CCDC73: variants seen among roughly 807,000 people sequenced by gnomAD.
CCDC73 encodes the protein coiled-coil domain containing 73.
In CCDC73, 95 loss-of-function variants were observed where a neutral mutation model predicts 116.5. The ratio of observed to expected loss-of-function variants is 0.82; its 90% confidence interval spans 0.69 to 0.97. CCDC73 has a LOEUF of 0.97. Among genes scored for constraint, CCDC73 ranks in the 50% least tolerant of loss-of-function variants. The pLI, the probability that CCDC73 is intolerant of heterozygous loss-of-function variation, is 0.00. For synonymous variants in CCDC73, 398 were observed against 401.3 expected, an observed-to-expected ratio of 0.99 and a Z score of 0.10; for missense variants, 1,066 against 1,206.8, an observed-to-expected ratio of 0.88 and a Z score of 1.73.
intron 2 of CCDC73, among the ~76,000 whole-genome samples, chr11:32,740,696 T>C (rs776943877): frequency 3.3e-5 from 5 of 150,646 alleles, no homozygotes; most frequent in Admixed American, 6.6e-5. Context: ...ATCTTTATCA[T>C]TTCTTTTCTT....
intron 14 of CCDC73, among the ~76,000 whole-genome samples, chr11:32,620,610 CAAAAAAAAAAAAAA>C (rs57643752): frequency 1.6e-5 from 1 of 61,340 alleles, no homozygotes. Context: ...GACTCAGTCT[CAAAAAAAAAAAAAA>C]AAAAAAAAAG....
intron 9 of CCDC73, among the ~76,000 whole-genome samples, chr11:32,668,775 G>A (rs926868563): frequency 2.6e-5 from 4 of 152,166 alleles, no homozygotes; most frequent in Non-Finnish European, 4.4e-5. Context: ...ACAGACAAGT[G>A]CAGTTTTATT....
intron 14 of CCDC73, among the ~76,000 whole-genome samples, chr11:32,632,300 A>G (rs1012392333): frequency 6.6e-6 from 1 of 152,132 alleles, no homozygotes; most frequent in Non-Finnish European, 1.5e-5. Context: ...ATCTTGCCTC[A>G]CTGCAACCTC....
the CCDC73 span, among the ~76,000 whole-genome samples, chr11:32,822,140 G>A: frequency 1.3e-5 from 2 of 152,194 alleles, no homozygotes; most frequent in Admixed American, 6.5e-5. Context: ...AAATGGGAAT[G>A]TATTTTAAGA....
At chr11:32,646,914 A>G (rs1363135514) in intron 12 of CCDC73, among the ~76,000 whole-genome samples, 1 of 151,752 alleles carries the variant, frequency 6.6e-6, no homozygotes, top group East Asian at 1.9e-4. Flanking sequence ...TGTACTTTTT[A>G]TGTCTGCTAA....
chr11:32,639,606 G>A (rs1156361108), intron 13 of CCDC73, among the ~76,000 whole-genome samples: 2 of 151,736 alleles, frequency 1.3e-5, no homozygotes, highest in Non-Finnish European at 1.5e-5. Context: ...CCACCACCAC[G>A]CCCGGCTAAT....
Position 32,787,887 on chromosome 11 carries a change from T to C in CCDC73, c.-16+6726A>G, listed in dbSNP as rs1267632237. Among the ~76,000 whole-genome samples, 3 of 152,204 alleles carry C rather than the reference T, an allele frequency of 2.0e-5. No individual in the cohort carries two copies. The East Asian group carries it at 5.8e-4, about 29-fold the overall frequency. On this transcript the variant is annotated intron_variant, in intron 1 of 17. Coordinates refer to ENST00000335185, the MANE Select transcript of CCDC73 (RefSeq NM_001008391.4). ...ACATCCTTAACTCCATCAGGACCTT[T>C]TATAATCTAATAAAATTATAACTAT... is the stretch of plus-strand genomic sequence containing the variant.
chr11:32,614,826 T>TA lies in CCDC73; in HGVS notation c.1491dup (p.Ser498Ter). The TA allele has an allele frequency of 6.2e-7, 1 of 1,613,232 alleles. No individual in the cohort carries two copies. Among genetic ancestry groups the TA allele is most frequent in the Non-Finnish European group, 8.5e-7 (1 of 1,179,480 alleles). On this transcript the variant is annotated frameshift_variant, in exon 16 of 18. Coordinates refer to ENST00000335185, the MANE Select transcript of CCDC73 (RefSeq NM_001008391.4). LOFTEE classifies it high-confidence loss of function. ...GTAACATTCGAGGTTTGTCCTTGAC[T>TA]AATTACTTCTTTATCTAAGGAGAGG...
At chr11:32,653,405 C>T (rs1414976416) in intron 11 of CCDC73, among the ~76,000 whole-genome samples, 178 bp from the exon 12 acceptor site, 3 of 151,948 alleles carry the variant, frequency 2.0e-5, no homozygotes, top group Non-Finnish European at 2.9e-5. Context: ...ACATTATTTC[C>T]AAGAGTCCCT....
chr11:32,700,962 T>C, intron 4 of CCDC73, 136 bp from the exon 5 acceptor site: 1 of 385,468 alleles, frequency 2.6e-6, no homozygotes, highest in South Asian at 8.7e-5. Flanking sequence ...TATTTTCAGA[T>C]TCAGAAAATA....
chr11:32,622,540 C>T (rs1855531465), intron 14 of CCDC73, among the ~76,000 whole-genome samples: 1 of 151,588 alleles, frequency 6.6e-6, no homozygotes, highest in Non-Finnish European at 1.5e-5. Context: ...GGGAGAGCAT[C>T]AGGACAAATA....
At chr11:32,682,778 T>C (rs1030728063) in intron 7 of CCDC73, 1 of 151,988 alleles carries the variant, frequency 6.6e-6, no homozygotes, top group African/African-American at 2.4e-5. Flanking sequence ...TAAAATGTTA[T>C]GCTGTAAAAA....
At chr11:32,776,469 A>C (rs924836712) in intron 1 of CCDC73, among the ~76,000 whole-genome samples, 1 of 151,886 alleles carries the variant, frequency 6.6e-6, no homozygotes, top group African/African-American at 2.4e-5. Flanking sequence ...CCCCCAAAAG[A>C]CTTCCTCTAT....
intron 1 of CCDC73, among the ~76,000 whole-genome samples, chr11:32,782,838 C>T (rs779467885): frequency 2.0e-5 from 3 of 151,298 alleles, no homozygotes; most frequent in Non-Finnish European, 2.9e-5. Context: ...AATGAAAAAT[C>T]CAATAAAAGG....
At chr11:32,780,048 C>CAGAT in intron 1 of CCDC73, among the ~76,000 whole-genome samples, 4 of 152,214 alleles carry the variant, frequency 2.6e-5, no homozygotes, top group Admixed American at 2.6e-4. Context: ...CCGAGGCAGG[C>CAGAT]AGATCACTTG....
intron 17 of CCDC73, among the ~76,000 whole-genome samples, chr11:32,610,032 G>A (rs959194529): frequency 8.7e-5 from 13 of 149,746 alleles, no homozygotes; most frequent in African/African-American, 3.0e-4. Flanking sequence ...CTCATGATCC[G>A]CCCACCTCAG....
At position 32,699,299 on chromosome 11, in the gene CCDC73, T is replaced by C. The variant is rs1253806308; in HGVS notation, c.342A>G (p.Ile114Met). 8.9e-6 allele frequency: 14 copies of C among 1,579,328 alleles called. No homozygotes were observed. Among genetic ancestry groups the C allele is most frequent in the African/African-American group, 1.3e-5 (1 of 74,174 alleles). Residue 114 changes from isoleucine (I) to methionine (M), a missense_variant, in exon 6 of 18, where the codon ATA becomes ATG. Ile to Met is a conservative substitution (Grantham distance 10, BLOSUM62 1). Transcript: ENST00000335185. The part of the protein sequence containing the change: ...EKGKYQLATE[I>M]KEKEIEGLKE... ...TCAATCCTTCTATTTCTTTTTCCTT[T>C]ATTTCTGTAGCAAGTTGATATTTTC...
chr11:32,622,200 A>G (rs1855527975), intron 14 of CCDC73, among the ~76,000 whole-genome samples: 1 of 152,240 alleles, frequency 6.6e-6, no homozygotes, highest in South Asian at 2.1e-4. Context: ...TTATAAAGAT[A>G]CATGCACACA....
chr11:32,616,879 G>A (rs1244941316), intron 14 of CCDC73, among the ~76,000 whole-genome samples: 3 of 152,144 alleles, frequency 2.0e-5, no homozygotes, highest in African/African-American at 7.2e-5. Flanking sequence ...ATAAATGCAG[G>A]TTACTATGGG....
Sources: gnomAD v4.1 joint callset for allele counts (sites outside exome capture counted in the v4.1 genomes callset) on GRCh38, gnomAD v4.1.1 for gene constraint, MANE v1.5 for transcripts, NCBI Gene and HGNC (gene_info 2026-07-23, HGNC 2026-07-21) for gene names.